Variants in BRAF observed in about 807,000 individuals in gnomAD.
BRAF encodes serine/threonine-protein kinase B-raf.
A neutral mutation model predicts 104.6 loss-of-function variants in BRAF; 16 were observed. That is an observed-to-expected ratio of 0.15 (90% CI 0.10 to 0.23). BRAF has a LOEUF of 0.23. Among genes scored for constraint, BRAF ranks in the 10% least tolerant of loss-of-function variants. The probability of loss-of-function intolerance (pLI) is 1.00; values close to 1 mark genes in which losing one functional copy is unlikely to be tolerated. For synonymous variants in BRAF, 310 were observed against 341.6 expected (o/e 0.91, Z 1.02); for missense variants, 541 against 937.3 (o/e 0.58, Z 5.52).
At chr7:140,789,161 A>T (rs530274051) in intron 8 of BRAF, among the ~76,000 whole-genome samples, 3 of 151,980 alleles carry the variant, frequency 2.0e-5, no homozygotes, top group African/African-American at 7.2e-5. Context: ...GTGAGCTGAG[A>T]TTGCACCACT....
chr7:140,870,563 G>A (rs1811463855), intron 1 of BRAF, among the ~76,000 whole-genome samples: 1 of 150,368 alleles, frequency 6.7e-6, no homozygotes, highest in Non-Finnish European at 1.5e-5. Context: ...AGTACTTCAA[G>A]TCTTTGCAGG....
At chr7:140,810,079 A>C (rs1215129620) in intron 3 of BRAF, among the ~76,000 whole-genome samples, 1 of 152,156 alleles carries the variant, frequency 6.6e-6, no homozygotes, top group Non-Finnish European at 1.5e-5. Flanking sequence ...CATTCATTTA[A>C]ATTGAGGTGC....
chr7:140,920,782 G>C (rs576084136), intron 1 of BRAF, among the ~76,000 whole-genome samples: 1 of 152,282 alleles, frequency 6.6e-6, no homozygotes, highest in African/African-American at 2.4e-5. Context: ...TAAGGAGAGA[G>C]AAAAGAATAT....
chr7:140,741,888 C>T (rs148064441), intron 17 of BRAF, among the ~76,000 whole-genome samples: 2,208 of 151,714 alleles, frequency 0.015, 46 homozygotes, highest in African/African-American at 0.051. Flanking sequence ...ACCCAGGAGG[C>T]AGAGGTTGCA....
chr7:140,825,327 A>G (rs1805921487), intron 3 of BRAF, among the ~76,000 whole-genome samples: 1 of 152,110 alleles, frequency 6.6e-6, no homozygotes, highest in South Asian at 2.1e-4. Context: ...GTCCTTGATC[A>G]GATACATGGC....
intron 1 of BRAF, among the ~76,000 whole-genome samples, chr7:140,875,729 A>G (rs1364182390): frequency 6.6e-6 from 1 of 152,216 alleles, no homozygotes; most frequent in African/African-American, 2.4e-5. Context: ...ATAGGGGAAC[A>G]CCACTTCAAA....
intron 3 of BRAF, among the ~76,000 whole-genome samples, chr7:140,819,428 G>A (rs1805235593): frequency 6.6e-6 from 1 of 152,138 alleles, no homozygotes; most frequent in Admixed American, 6.5e-5. Context: ...CATGCTCAAG[G>A]GAAAGTAAAA....
intron 1 of BRAF, among the ~76,000 whole-genome samples, chr7:140,885,961 G>A (rs1813518507): frequency 6.6e-6 from 1 of 152,174 alleles, no homozygotes; most frequent in African/African-American, 2.4e-5. Context: ...TATGATTATA[G>A]CATAGGTGAG....
intron 16 of BRAF, 143 bp from the exon 16 acceptor site, chr7:140,749,561 T>C: frequency 1.1e-6 from 1 of 881,496 alleles, no homozygotes; most frequent in Non-Finnish European, 1.7e-6. Flanking sequence ...GTCAAAGAAA[T>C]AAAACTGATT....
intron 18 of BRAF, among the ~76,000 whole-genome samples, chr7:140,738,691 A>T (rs1447577728): frequency 6.6e-6 from 1 of 152,166 alleles, no homozygotes; most frequent in Non-Finnish European, 1.5e-5. Context: ...ATCTCAGCTC[A>T]TTACAATCTC....
intron 1 of BRAF, among the ~76,000 whole-genome samples, chr7:140,861,160 C>T (rs529556589): frequency 1.3e-5 from 2 of 152,120 alleles, no homozygotes; most frequent in South Asian, 4.2e-4. Context: ...GTTTGCAAAC[C>T]GTGGAGATGT....
chr7:140,886,135 T>C (rs1298393977), intron 1 of BRAF, among the ~76,000 whole-genome samples: 1 of 152,206 alleles, frequency 6.6e-6, no homozygotes, highest in Non-Finnish European at 1.5e-5. Context: ...TTATTCTAAA[T>C]CTTATTCTGC....
intron 14 of BRAF, among the ~76,000 whole-genome samples, chr7:140,775,364 T>TG (rs1313681081): frequency 6.6e-6 from 1 of 151,328 alleles, no homozygotes; most frequent in East Asian, 1.9e-4. Flanking sequence ...TTTTTTTTTT[T>TG]GAGACGGAAT....
At chr7:140,917,734 A>G (rs1817772748) in intron 1 of BRAF, among the ~76,000 whole-genome samples, 1 of 152,224 alleles carries the variant, frequency 6.6e-6, no homozygotes, top group African/African-American at 2.4e-5. Flanking sequence ...AGAACAGTTC[A>G]GCCCATGAAC....
chr7:140,717,394 G>C (rs1249373695), downstream of BRAF, among the ~76,000 whole-genome samples: 1 of 151,806 alleles, frequency 6.6e-6, no homozygotes, highest in Admixed American at 6.6e-5. Context: ...AGTCTCCCCC[G>C]ACCTCAGCTG....
At chr7:140,864,002 T>C (rs993629054) in intron 1 of BRAF, among the ~76,000 whole-genome samples, 2 of 152,230 alleles carry the variant, frequency 1.3e-5, no homozygotes, top group African/African-American at 2.4e-5. Context: ...GTTAAGTATA[T>C]TGCTCAAGGC....
intron 2 of BRAF, among the ~76,000 whole-genome samples, chr7:140,842,442 G>A (rs1418454485): frequency 2.0e-5 from 3 of 152,160 alleles, no homozygotes; most frequent in Non-Finnish European, 2.9e-5. Context: ...TCAGTCTACA[G>A]GGGACTGTAG....
At position 140,794,481 on chromosome 7, in the gene BRAF, G is replaced by T. The variant is rs200002171; in HGVS notation, c.981-14C>A. 13 of 1,613,012 alleles carry T rather than the reference G, an allele frequency of 8.1e-6. No homozygotes were observed. The highest frequency in any genetic ancestry group is 1.6e-4 in the Middle Eastern group (1 of 6,082). ...AGAATTTGGGGCCTGGAAAAATGAAGTCATTGGAAGATAAGATTCAGAGTA... is the reference window on the plus strand; with the variant it reads ...AGAATTTGGGGCCTGGAAAAATGAATTCATTGGAAGATAAGATTCAGAGTA... On this transcript the variant is annotated splice_polypyrimidine_tract_variant and intron_variant, in intron 7 of 19. Transcript: ENST00000644969.
At chr7:140,875,696 C>G (rs377562509) in intron 1 of BRAF, among the ~76,000 whole-genome samples, 45 of 152,182 alleles carry the variant, frequency 3.0e-4, no homozygotes, top group African/African-American at 9.6e-4. Flanking sequence ...ATCTTGAAAA[C>G]AGAGAAAAAC....
Sources: gnomAD v4.1 joint callset for allele counts (sites outside exome capture counted in the v4.1 genomes callset) on GRCh38, gnomAD v4.1.1 for gene constraint, MANE v1.5 for transcripts, NCBI Gene and HGNC (gene_info 2026-07-23, HGNC 2026-07-21) for gene names.